The following VPS26C variants were observed in gnomAD, a reference collection of about 807,000 sequenced individuals.
The protein encoded by VPS26C is VPS26 endosomal protein sorting factor C.
VPS26C carries 19 observed loss-of-function variants against 30.6 expected under a neutral mutation model. The ratio of observed to expected loss-of-function variants is 0.62; its 90% confidence interval spans 0.43 to 0.91. The LOEUF is 0.91. Ranked by LOEUF, VPS26C falls within the 40% of genes least tolerant of loss-of-function variation. The probability of loss-of-function intolerance (pLI) is 0.00; values close to 1 mark genes in which losing one functional copy is unlikely to be tolerated. For missense variants in VPS26C, 318 were observed against 385.1 expected (o/e 0.83, Z 1.46); for synonymous variants, 132 against 151.5 (o/e 0.87, Z 0.95).
chr21:37,262,070 A>C (rs575828015), intron 1 of VPS26C: 1 of 152,350 alleles, frequency 6.6e-6, no homozygotes, highest in Middle Eastern at 3.4e-3. Flanking sequence ...GTTTAAAAAA[A>C]AAGAACATAA....
At chr21:37,228,663 C>G in intron 5 of VPS26C, 1 of 275,222 alleles carries the variant, frequency 3.6e-6, no homozygotes, top group Non-Finnish European at 7.0e-6. Flanking sequence ...CTCCTTCTTA[C>G]CAAGGAATAA....
Position 37,257,713 on chromosome 21 carries a change from C to T in VPS26C, c.57+9525G>A, listed in dbSNP as rs2086257958. Among the ~76,000 whole-genome samples the T allele has an allele frequency of 6.6e-6, 1 of 151,152 alleles. No individual in the cohort carries two copies. The highest frequency in any genetic ancestry group is 1.5e-5 in the Non-Finnish European group (1 of 67,874). On this transcript the variant is annotated intron_variant, in intron 1 of 7. Transcript: ENST00000309117. This position sits in a 1 kb window ranked among gnomAD's most constrained non-coding sequence, Gnocchi z 4.2. The stretch of plus-strand genomic sequence containing the variant: ...GCTCATGGTCAGCCCCAAGCACGGG[C>T]GGAAGAAAGGACTGGAGGGGAGGGA...
In VPS26C at chr21:37,233,265, G is replaced by C. The variant is rs887992720; in HGVS notation, c.432+97C>G. On this transcript the variant is annotated intron_variant, in intron 4 of 7. Transcript: ENST00000309117. This position sits in a 1 kb window ranked among gnomAD's most constrained non-coding sequence, Gnocchi z 5.2. ...GTCTTCTGCCAGCACCCGTGAAACA[G>C]TAAGAGGCTAAATGGTGAGCTTGTA... 9.3e-7 allele frequency: 1 copy of C among 1,077,638 alleles called. No individual in the cohort carries two copies. Among genetic ancestry groups the C allele is most frequent in the Non-Finnish European group, 1.4e-6 (1 of 704,216 alleles). 66.8% of individuals were successfully genotyped at this position (1,077,638 alleles called of 1,614,324 possible). A position where few individuals can be genotyped will look rare whatever the true frequency, so the allele number is the denominator to read the frequency against.
intron 1 of VPS26C, among the ~76,000 whole-genome samples, chr21:37,247,816 G>A (rs933058279): frequency 3.3e-5 from 5 of 152,122 alleles, no homozygotes; most frequent in African/African-American, 4.8e-5. Context: ...GCTGAATTCC[G>A]AGAATGAAGG....
intron 1 of VPS26C, among the ~76,000 whole-genome samples, chr21:37,244,205 A>G (rs1374903215): frequency 6.6e-6 from 1 of 152,172 alleles, no homozygotes; most frequent in Non-Finnish European, 1.5e-5. Context: ...AGCGGAAACC[A>G]CTGGCAAGTT....
chr21:37,259,095 T>C (rs2086277766), intron 1 of VPS26C, among the ~76,000 whole-genome samples: 4 of 152,188 alleles, frequency 2.6e-5, no homozygotes, highest in African/African-American at 9.7e-5. Context: ...AGATCTCTTC[T>C]GGCTCAGAGA....
chr21:37,263,122 A>C (rs2086322333), intron 1 of VPS26C, among the ~76,000 whole-genome samples: 2 of 152,152 alleles, frequency 1.3e-5, no homozygotes, highest in Non-Finnish European at 2.9e-5. Context: ...ATTTTTAAAA[A>C]ATCATTTTGT....
At chr21:37,260,051 T>G (rs2086288587) in intron 1 of VPS26C, among the ~76,000 whole-genome samples, 1 of 152,182 alleles carries the variant, frequency 6.6e-6, no homozygotes, top group African/African-American at 2.4e-5. Context: ...AGATGAGAAT[T>G]AAGACCCAGA....
At position 37,238,721 on chromosome 21, in the gene VPS26C, T is replaced by TC. The variant is rs1487799265; in HGVS notation, c.202-113_202-112insG. 3 of 1,312,854 alleles carry TC rather than the reference T, an allele frequency of 2.3e-6. No individual in the cohort carries two copies. In the African/African-American group the frequency reaches 4.4e-5, roughly 19 times the overall value. 81.3% of individuals were successfully genotyped at this position (1,312,854 alleles called of 1,614,324 possible). ...CCCGACCCCCTGGAGGCCACCATCC[T>TC]GCTGTCTTCGGCAGCTCTGCGCTGG... On this transcript the variant is annotated intron_variant, in intron 2 of 7. Transcript: ENST00000309117.
chr21:37,236,938 A>C (rs1377753793), intron 3 of VPS26C, among the ~76,000 whole-genome samples: 1 of 152,158 alleles, frequency 6.6e-6, no homozygotes, highest in African/African-American at 2.4e-5. Context: ...AGAAGCACAC[A>C]AGCTTTTTGT....
chr21:37,241,922 T>C (rs2148293754), intron 1 of VPS26C, among the ~76,000 whole-genome samples: 1 of 152,356 alleles, frequency 6.6e-6, no homozygotes, highest in African/African-American at 2.4e-5. Context: ...TTTCTTCTAG[T>C]TATCCAGTGA....
At chr21:37,236,142 A>G (rs1052083559) in intron 3 of VPS26C, among the ~76,000 whole-genome samples, 1 of 152,202 alleles carries the variant, frequency 6.6e-6, no homozygotes, top group Non-Finnish European at 1.5e-5. Flanking sequence ...AAGAAAGATG[A>G]TATTAGGGTT....
chr21:37,254,530 G>C (rs950726478), intron 1 of VPS26C, among the ~76,000 whole-genome samples: 1 of 152,110 alleles, frequency 6.6e-6, no homozygotes, highest in Non-Finnish European at 1.5e-5. Flanking sequence ...AAGAGCTCAG[G>C]CTGGGTGCGG....
intron 1 of VPS26C, among the ~76,000 whole-genome samples, chr21:37,248,404 T>C (rs1341969645): frequency 6.6e-6 from 1 of 151,030 alleles, no homozygotes; most frequent in Non-Finnish European, 1.5e-5. Flanking sequence ...AACACAAATA[T>C]CCAAAATAAG....
chr21:37,258,291 T>C (rs2086266406), intron 1 of VPS26C, among the ~76,000 whole-genome samples: 2 of 152,214 alleles, frequency 1.3e-5, no homozygotes, highest in Non-Finnish European at 2.9e-5. Context: ...TGCAGCCGTT[T>C]CACAGAGACT....
rs528796391 is a variant in VPS26C, at chr21:37,235,605, C to T, written c.352-2163G>A. Among the ~76,000 whole-genome samples, 3 of 152,028 alleles carry T rather than the reference C, an allele frequency of 2.0e-5. No individual in the cohort carries two copies. The South Asian group carries it at 6.2e-4, about 32-fold the overall frequency. ...AAGAGTAAAGCAAGAGTAGAACAAA[C>T]CTAATAAAACTTGCCTACAATTTAA... On this transcript the variant is annotated intron_variant, in intron 3 of 7. Transcript: ENST00000309117.
chr21:37,244,960 C>T (rs1334951060), intron 1 of VPS26C, among the ~76,000 whole-genome samples: 4 of 152,198 alleles, frequency 2.6e-5, no homozygotes, highest in African/African-American at 9.6e-5. Context: ...AGACAATGAG[C>T]CCCTCTGCAA....
chr21:37,258,402 T>C (rs185121242), intron 1 of VPS26C, among the ~76,000 whole-genome samples: 77 of 152,330 alleles, frequency 5.1e-4, no homozygotes, highest in African/African-American at 1.7e-3. Context: ...ACATGCGATG[T>C]GACGTGTTAC....
Position 37,233,519 on chromosome 21 carries a change from AAGTC to A in VPS26C, c.352-81_352-78del, listed in dbSNP as rs1422971882. 5.7e-6 allele frequency: 6 copies of A among 1,044,520 alleles called. No individual in the cohort carries two copies. Among genetic ancestry groups the A allele is most frequent in the Middle Eastern group, 2.0e-4 (1 of 4,922 alleles). The allele number at this position is 1,044,520 out of a possible 1,614,324, so 64.7% of individuals were successfully genotyped here. A position where few individuals can be genotyped will look rare whatever the true frequency, so the allele number is the denominator to read the frequency against. On this transcript the variant is annotated intron_variant, in intron 3 of 7. Transcript: ENST00000309117. The surrounding 1 kb of genome is among the most constrained non-coding windows in gnomAD (Gnocchi z 5.2). ...ATCTTGGAATTATATTCAAAGAGAC[AAGTC>A]AGTCAACATATTTTAGGGAAATGTT...
Sources: gnomAD v4.1 joint callset for allele counts (sites outside exome capture counted in the v4.1 genomes callset) on GRCh38, gnomAD v4.1.1 for gene constraint, Gnocchi (gnomAD v3.1) non-coding constraint, MANE v1.5 for transcripts, NCBI Gene and HGNC (gene_info 2026-07-23, HGNC 2026-07-21) for gene names.